The following CNTN5 variants were observed in gnomAD, a reference collection of about 807,000 sequenced individuals.
CNTN5 encodes contactin-5.
In CNTN5, 77 loss-of-function variants were observed where a neutral mutation model predicts 129.1. The observed-to-expected ratio is 0.60, with a 90% confidence interval of 0.50 to 0.72. CNTN5 has a LOEUF of 0.72. CNTN5 is among the 30% of genes least tolerant of loss of function. The pLI, the probability that CNTN5 is intolerant of heterozygous loss-of-function variation, is 0.00. For synonymous variants in CNTN5, 509 were observed against 465.6 expected (o/e 1.09, Z -1.20); for missense variants, 1,478 against 1,328.8 (o/e 1.11, Z -1.75).
At chr11:99,767,412 G>A (rs912950007) in intron 3 of CNTN5, among the ~76,000 whole-genome samples, 1 of 151,958 alleles carries the variant, frequency 6.6e-6, no homozygotes, top group African/African-American at 2.4e-5. Context: ...AAGAAAGCTG[G>A]TGTCAACACA....
chr11:99,976,287 T>C (rs1168412524), intron 8 of CNTN5, among the ~76,000 whole-genome samples: 28 of 152,236 alleles, frequency 1.8e-4, no homozygotes, highest in Admixed American at 1.8e-3. Context: ...CTTGCAGCTT[T>C]TCTAAGCACA....
chr11:99,291,621 A>C (rs1864174870), intron 1 of CNTN5, among the ~76,000 whole-genome samples: 2 of 152,198 alleles, frequency 1.3e-5, no homozygotes, highest in South Asian at 4.1e-4. Flanking sequence ...TATAACTTAT[A>C]GCTATACATC....
At chr11:99,773,821 C>CA (rs1430251303) in intron 3 of CNTN5, among the ~76,000 whole-genome samples, 1 of 152,066 alleles carries the variant, frequency 6.6e-6, no homozygotes, top group African/African-American at 2.4e-5. Context: ...GCGTGACACA[C>CA]AAGGCCCTTC....
At chr11:99,451,891 T>A (rs909690578) in intron 2 of CNTN5, among the ~76,000 whole-genome samples, 1 of 152,164 alleles carries the variant, frequency 6.6e-6, no homozygotes, top group African/African-American at 2.4e-5. Flanking sequence ...CACAATTACC[T>A]TGAAAGAGTA....
intron 3 of CNTN5, among the ~76,000 whole-genome samples, chr11:99,621,585 G>C (rs1420575924): frequency 6.6e-6 from 1 of 152,018 alleles, no homozygotes. Flanking sequence ...TTTTTGTACT[G>C]CTCTATAATC....
chr11:100,076,710 G>T (rs12361033), intron 13 of CNTN5, among the ~76,000 whole-genome samples: 18,386 of 151,714 alleles, frequency 0.12, 1,181 homozygotes, highest in Non-Finnish European at 0.13. Flanking sequence ...GCAAGGCTCA[G>T]CCACATTTCC....
At chr11:99,431,347 T>C (rs1943362562) in intron 2 of CNTN5, among the ~76,000 whole-genome samples, 1 of 152,138 alleles carries the variant, frequency 6.6e-6, no homozygotes, top group Admixed American at 6.5e-5. Flanking sequence ...AAAAAGCTCA[T>C]ACTTACCCTC....
intron 8 of CNTN5, among the ~76,000 whole-genome samples, chr11:99,962,464 A>T (rs565570013): frequency 3.0e-4 from 46 of 152,066 alleles, no homozygotes; most frequent in Non-Finnish European, 5.7e-4. Context: ...AGCTTCATTC[A>T]TGTCCCTACA....
chr11:99,757,172 A>T (rs185402862), intron 3 of CNTN5, among the ~76,000 whole-genome samples: 112 of 152,024 alleles, frequency 7.4e-4, no homozygotes, highest in Non-Finnish European at 1.5e-3. Context: ...ATTGTCAACA[A>T]TCCATGGTGT....
intron 16 of CNTN5, among the ~76,000 whole-genome samples, chr11:100,239,758 C>T (rs770491272): frequency 6.6e-6 from 1 of 152,140 alleles, no homozygotes; most frequent in African/African-American, 2.4e-5. Flanking sequence ...CTAGGACAAA[C>T]ATACAAAATC....
intron 8 of CNTN5, among the ~76,000 whole-genome samples, chr11:99,977,067 C>A (rs952283144): frequency 1.3e-5 from 2 of 152,198 alleles, no homozygotes; most frequent in Admixed American, 6.5e-5. Flanking sequence ...ATTTCTTCCA[C>A]CAGGTATTCT....
chr11:99,049,546 TGA>T (rs1320816111), intron 1 of CNTN5: 4 of 152,044 alleles, frequency 2.6e-5, no homozygotes, highest in Non-Finnish European at 5.9e-5. Context: ...GAACAGAAAG[TGA>T]GAGAACAGAA....
chr11:99,920,988 A>G (rs184632226), intron 7 of CNTN5, among the ~76,000 whole-genome samples: 23 of 152,292 alleles, frequency 1.5e-4, no homozygotes, highest in Admixed American at 1.5e-3. Context: ...GAGACACCAG[A>G]GAGCTCTCTT....
intron 15 of CNTN5, among the ~76,000 whole-genome samples, chr11:100,195,492 C>T (rs751589077): frequency 4.6e-5 from 7 of 151,790 alleles, no homozygotes; most frequent in Non-Finnish European, 8.8e-5. Context: ...GCTTTCCTTG[C>T]CCCAGAGAGT....
At chr11:99,757,035 A>G (rs1428041461) in intron 3 of CNTN5, among the ~76,000 whole-genome samples, 1 of 151,830 alleles carries the variant, frequency 6.6e-6, no homozygotes, top group Middle Eastern at 3.2e-3. Flanking sequence ...GTTTCCAAGG[A>G]TTGCCATAAC....
chr11:99,250,080 G>A lies in CNTN5; in HGVS notation c.-209-75266G>A, dbSNP rs541841934. Among the ~76,000 whole-genome samples, 4 of 151,986 alleles carry A rather than the reference G, an allele frequency of 2.6e-5. No individual in the cohort carries two copies. The South Asian group carries it at 6.2e-4, about 24-fold the overall frequency. On this transcript the variant is annotated intron_variant, in intron 1 of 24. Transcript: ENST00000524871. Reference sequence around the variant, plus strand: ...CAGTGAAGGCATAGACACTTCAATAGGTTCTCAATAGGCATCAAATCACTA... The same window carrying A: ...CAGTGAAGGCATAGACACTTCAATAAGTTCTCAATAGGCATCAAATCACTA...
At chr11:100,115,367 T>G (rs1234797566) in intron 13 of CNTN5, among the ~76,000 whole-genome samples, 1 of 152,066 alleles carries the variant, frequency 6.6e-6, no homozygotes, top group Non-Finnish European at 1.5e-5. Flanking sequence ...CAGAAAACAT[T>G]TATTGAGTGA....
chr11:99,976,035 T>A (rs1459949024), intron 8 of CNTN5, among the ~76,000 whole-genome samples: 1 of 152,172 alleles, frequency 6.6e-6, no homozygotes, highest in Non-Finnish European at 1.5e-5. Flanking sequence ...ACTGGGTAAA[T>A]GCTCCCATAC....
intron 7 of CNTN5, among the ~76,000 whole-genome samples, chr11:99,923,559 G>C (rs1466701267): frequency 6.6e-6 from 1 of 152,052 alleles, no homozygotes; most frequent in Non-Finnish European, 1.5e-5. Context: ...AGCTTACGTT[G>C]AAGTGGTTTA....
Sources: allele counts gnomAD v4.1 joint callset (sites outside exome capture counted in the v4.1 genomes callset), GRCh38; gene constraint gnomAD v4.1.1; transcripts MANE v1.5; gene names NCBI Gene and HGNC (gene_info 2026-07-23, HGNC 2026-07-21).